ADGRL3: variants seen among roughly 807,000 people sequenced by gnomAD.
ADGRL3 encodes the protein calcium-independent alpha-latrotoxin receptor 3.
Under a neutral mutation model 153.5 loss-of-function variants are expected in ADGRL3, and 62 were observed. The ratio of observed to expected loss-of-function variants is 0.40; its 90% CI spans 0.33 to 0.50. The LOEUF is 0.50. Among genes scored for constraint, ADGRL3 ranks in the 20% least tolerant of loss-of-function variants. The pLI, the probability that ADGRL3 is intolerant of heterozygous loss-of-function variation, is 0.47. For synonymous variants in ADGRL3, 710 were observed against 672.5 expected, an observed-to-expected ratio of 1.06 and a Z score of -0.86; for missense variants, 1,641 against 1,859.4, an observed-to-expected ratio of 0.88 and a Z score of 2.16.
chr4:61,707,222 A>T (rs1006168689), intron 6 of ADGRL3, among the ~76,000 whole-genome samples: 1 of 152,194 alleles, frequency 6.6e-6, no homozygotes, highest in African/African-American at 2.4e-5. Context: ...CTGATCACAG[A>T]TCCCTGTAAC....
chr4:61,208,665 A>G (rs1560356386), intron 1 of ADGRL3, among the ~76,000 whole-genome samples: 1 of 152,204 alleles, frequency 6.6e-6, no homozygotes, highest in Non-Finnish European at 1.5e-5. Flanking sequence ...GGAAGAATTA[A>G]TAAAACACCT....
intron 5 of ADGRL3, among the ~76,000 whole-genome samples, chr4:61,619,706 C>A (rs1372536234): frequency 6.6e-6 from 1 of 152,188 alleles, no homozygotes; most frequent in Non-Finnish European, 1.5e-5. Context: ...TGCTTTCTGG[C>A]CACCAGGGTG....
chr4:61,448,052 G>C (rs1267184213), intron 2 of ADGRL3, among the ~76,000 whole-genome samples: 1 of 152,116 alleles, frequency 6.6e-6, no homozygotes, highest in Non-Finnish European at 1.5e-5. Flanking sequence ...GATGAGTATA[G>C]TGAAAGTCAG....
At chr4:61,836,154 A>T (rs1581069058) in intron 9 of ADGRL3, among the ~76,000 whole-genome samples, 1 of 152,334 alleles carries the variant, frequency 6.6e-6, no homozygotes, top group East Asian at 1.9e-4. Context: ...AATTTTTGAG[A>T]ATTCACACTT....
At chr4:61,615,157 T>C (rs965931643) in intron 5 of ADGRL3, among the ~76,000 whole-genome samples, 5 of 152,102 alleles carry the variant, frequency 3.3e-5, no homozygotes, top group Admixed American at 6.6e-5. Context: ...AATGAAAATA[T>C]TAGTTTGAGG....
intron 7 of ADGRL3, among the ~76,000 whole-genome samples, chr4:61,732,346 A>G (rs568243520): frequency 6.6e-6 from 1 of 152,294 alleles, no homozygotes; most frequent in East Asian, 1.9e-4. Flanking sequence ...GAATTTCATC[A>G]GAATGGAAAC....
At chr4:61,302,651 A>G (rs953001179) in intron 1 of ADGRL3, among the ~76,000 whole-genome samples, 11 of 152,112 alleles carry the variant, frequency 7.2e-5, no homozygotes, top group African/African-American at 2.4e-4. Context: ...GCATATTAAT[A>G]TTTTAAAATA....
intron 2 of ADGRL3, among the ~76,000 whole-genome samples, chr4:61,394,818 T>G (rs1318259439): frequency 6.6e-6 from 1 of 152,070 alleles, no homozygotes; most frequent in East Asian, 1.9e-4. Flanking sequence ...AATTGCCTCT[T>G]ACAAGTGTAA....
chr4:61,370,760 G>A (rs1473718643), intron 1 of ADGRL3, among the ~76,000 whole-genome samples: 1 of 152,088 alleles, frequency 6.6e-6, no homozygotes, highest in Non-Finnish European at 1.5e-5. Context: ...TTGGTGCAGA[G>A]CTGAGTTCAA....
chr4:61,445,835 GA>G (rs1338191953), intron 2 of ADGRL3, among the ~76,000 whole-genome samples: 3 of 152,140 alleles, frequency 2.0e-5, no homozygotes, highest in Admixed American at 2.0e-4. Context: ...TAATGGAGCT[GA>G]AAAAATACTA....
intron 8 of ADGRL3, among the ~76,000 whole-genome samples, chr4:61,756,554 A>G (rs1277013358): frequency 1.3e-5 from 2 of 152,124 alleles, no homozygotes; most frequent in Non-Finnish European, 2.9e-5. Flanking sequence ...ATATAATCAT[A>G]TCATCTGTAA....
intron 1 of ADGRL3, among the ~76,000 whole-genome samples, chr4:61,244,924 T>C (rs944204574): frequency 6.6e-6 from 1 of 151,956 alleles, no homozygotes; most frequent in African/African-American, 2.4e-5. Flanking sequence ...TTGCTTTTTG[T>C]AATGGAAGAG....
intron 6 of ADGRL3, among the ~76,000 whole-genome samples, chr4:61,700,844 T>G (rs1159637694): frequency 6.6e-6 from 1 of 152,228 alleles, no homozygotes; most frequent in African/African-American, 2.4e-5. Context: ...GGATCAAGAA[T>G]GAGCTAGGGA....
In ADGRL3 at chr4:62,022,902, C is replaced by T. The variant is rs1304741554; in HGVS notation, c.3396-5953C>T. Among the ~76,000 whole-genome samples the T allele has an allele frequency of 2.0e-5, 3 of 152,064 alleles. No homozygotes were observed. In the East Asian group the frequency reaches 5.8e-4, roughly 29 times the overall value. ...AGATTAATATTTTTATACCTGCTAACACAACCTCCATTCTGCAGCCCATGG... is the reference window on the plus strand; with the variant it reads ...AGATTAATATTTTTATACCTGCTAATACAACCTCCATTCTGCAGCCCATGG... On this transcript the variant is annotated intron_variant, in intron 21 of 26. Coordinates refer to ENST00000683033, the MANE Select transcript of ADGRL3 (RefSeq NM_001387552.1).
intron 2 of ADGRL3, among the ~76,000 whole-genome samples, chr4:61,391,423 C>T (rs771956473): frequency 6.6e-6 from 1 of 152,300 alleles, no homozygotes; most frequent in Non-Finnish European, 1.5e-5. Flanking sequence ...ATGACCCAAT[C>T]ACCTCATACC....
chr4:61,454,510 C>A (rs905192776), intron 2 of ADGRL3, among the ~76,000 whole-genome samples: 69 of 152,090 alleles, frequency 4.5e-4, no homozygotes, highest in African/African-American at 1.6e-3. Context: ...TTACAGTGTA[C>A]TGAAGTGTGA....
chr4:61,607,472 C>G (rs564301649), intron 5 of ADGRL3, among the ~76,000 whole-genome samples: 1 of 151,972 alleles, frequency 6.6e-6, no homozygotes, highest in African/African-American at 2.4e-5. Flanking sequence ...TGGTGGTGCA[C>G]GCCTGTAGTC....
chr4:61,933,887 CAACTTT>C (rs892580611), intron 13 of ADGRL3: 2 of 152,098 alleles, frequency 1.3e-5, no homozygotes, highest in Non-Finnish European at 2.9e-5. Flanking sequence ...GCTGTTTATT[CAACTTT>C]ATTTCTGGAT....
At position 61,903,083 on chromosome 4, in the gene ADGRL3, G is replaced by T. The variant is rs1168123010; in HGVS notation, c.1888-6477G>T. Among the ~76,000 whole-genome samples the T allele has an allele frequency of 3.3e-5, 5 of 152,174 alleles. No homozygotes were observed. In the South Asian group the frequency reaches 1.0e-3, roughly 32 times the overall value. On this transcript the variant is annotated intron_variant, in intron 11 of 26. Coordinates refer to ENST00000683033, the MANE Select transcript of ADGRL3 (RefSeq NM_001387552.1). Reference sequence around the variant, plus strand: ...TAGCTAGACACAAACACATGGATATGCAGGTAGCAATATTGGATTCTGAAG... The same window carrying T: ...TAGCTAGACACAAACACATGGATATTCAGGTAGCAATATTGGATTCTGAAG...
Sources: gnomAD v4.1 joint callset for allele counts (sites outside exome capture counted in the v4.1 genomes callset) on GRCh38, gnomAD v4.1.1 for gene constraint, MANE v1.5 for transcripts, NCBI Gene and HGNC (gene_info 2026-07-23, HGNC 2026-07-21) for gene names.